The following SPATA13 variants were observed in gnomAD, a reference collection of about 807,000 sequenced individuals.
SPATA13 encodes the protein spermatogenesis-associated protein 13.
SPATA13 carries 50 observed loss-of-function variants against 104.0 expected under a neutral mutation model. That is an observed-to-expected ratio of 0.48 (90% confidence interval 0.38 to 0.61). The LOEUF (loss-of-function observed/expected upper bound fraction) is 0.61. Among genes scored for constraint, SPATA13 ranks in the 20% least tolerant of loss-of-function variants. The probability of loss-of-function intolerance (pLI) is 0.00; values close to 1 mark genes in which losing one functional copy is unlikely to be tolerated. For synonymous variants in SPATA13, 606 were observed against 667.5 expected (o/e 0.91, Z 1.42); for missense variants, 1,524 against 1,690.6 (o/e 0.90, Z 1.73).
chr13:24,178,064 T>C (rs1485170710), intron 1 of SPATA13, among the ~76,000 whole-genome samples: 1 of 151,280 alleles, frequency 6.6e-6, no homozygotes, highest in Non-Finnish European at 1.5e-5. Flanking sequence ...ATCTTGCCCA[T>C]GCTGGTCTTG....
chr13:24,281,748 A>C (rs2138722804), intron 4 of SPATA13, among the ~76,000 whole-genome samples: 1 of 152,314 alleles, frequency 6.6e-6, no homozygotes, highest in East Asian at 1.9e-4. Flanking sequence ...TCCAGAGCTC[A>C]GGCTTACAGG....
chr13:24,008,456 C>T (rs553200696), intron 2 of SPATA13, among the ~76,000 whole-genome samples: 2 of 152,280 alleles, frequency 1.3e-5, no homozygotes, highest in African/African-American at 2.4e-5. Flanking sequence ...TCATGGGCCA[C>T]CATGAAAGAG....
chr13:24,205,188 A>T lies in SPATA13; in HGVS notation c.-111-17631A>T, dbSNP rs1345262306. On this transcript the variant is annotated intron_variant, in intron 1 of 12. Coordinates refer to ENST00000382108, the MANE Select transcript of SPATA13 (RefSeq NM_001166271.3). This position sits in a 1 kb window ranked among gnomAD's most constrained non-coding sequence, Gnocchi z 4.1. ...CAGATGACATGATTCTGTATCCTGA[A>T]AACCCCAAAGTCTCGCCCCCAAAGC... 1.3e-5 allele frequency among the ~76,000 whole-genome samples: 2 copies of T among 152,230 alleles called. No homozygotes were observed. Among genetic ancestry groups the T allele is most frequent in the Non-Finnish European group, 2.9e-5 (2 of 68,040 alleles).
chr13:24,179,643 T>A (rs918228571), intron 1 of SPATA13, among the ~76,000 whole-genome samples: 3 of 152,212 alleles, frequency 2.0e-5, no homozygotes, highest in Non-Finnish European at 4.4e-5. Context: ...ACCTCTATTT[T>A]ACTTTCTGTT....
intron 3 of SPATA13, among the ~76,000 whole-genome samples, chr13:24,135,940 G>T (rs1881551129): frequency 6.6e-6 from 1 of 152,122 alleles, no homozygotes; most frequent in Non-Finnish European, 1.5e-5. Context: ...AAGAAAAGGA[G>T]GGCTGGGATA....
intron 10 of SPATA13, among the ~76,000 whole-genome samples, chr13:24,296,833 C>T (rs568390484): frequency 6.6e-6 from 1 of 152,154 alleles, no homozygotes; most frequent in South Asian, 2.1e-4. Flanking sequence ...GAAGAAATTT[C>T]AGGCACCAGG....
At chr13:24,201,821 G>A (rs1033191931) in intron 1 of SPATA13, among the ~76,000 whole-genome samples, 15 of 152,118 alleles carry the variant, frequency 9.9e-5, no homozygotes, top group African/African-American at 3.6e-4. Flanking sequence ...TGTACAAATA[G>A]TACATATGTT....
chr13:24,218,351 A>C (rs900936605), intron 1 of SPATA13, among the ~76,000 whole-genome samples: 1 of 151,674 alleles, frequency 6.6e-6, no homozygotes, highest in South Asian at 2.1e-4. Flanking sequence ...GTCTAGCATG[A>C]CCCCCAGGTT....
At chr13:24,159,363 T>G (rs564454125), upstream of SPATA13, among the ~76,000 whole-genome samples, 1 of 152,228 alleles carries the variant, frequency 6.6e-6, no homozygotes, top group Non-Finnish European at 1.5e-5. Context: ...AAATAAAATT[T>G]GCCCATATTT....
intron 3 of SPATA13, among the ~76,000 whole-genome samples, chr13:24,142,839 C>T (rs912661760): frequency 6.6e-6 from 1 of 152,176 alleles, no homozygotes; most frequent in Non-Finnish European, 1.5e-5. Flanking sequence ...CCAGGATTCC[C>T]TTGGAAGAGT....
chr13:24,046,578 A>G lies in SPATA13; in HGVS notation c.-112+28877A>G, dbSNP rs545691912. Among the ~76,000 whole-genome samples, 10 of 121,704 alleles carry G rather than the reference A, an allele frequency of 8.2e-5. No homozygotes were observed. The South Asian group carries it at 1.9e-3, about 23-fold the overall frequency. The allele number at this position is 121,704 out of a possible 152,430, so 79.8% of individuals were successfully genotyped here. ...TTTTGTGTCTGGCCTCTTTCACTCA[A>G]TATGTTTGCAAGATTCATCCATGAT... is the stretch of plus-strand genomic sequence containing the variant. On this transcript the variant is annotated intron_variant, in intron 3 of 14. Coordinates refer to the SPATA13 transcript ENST00000424834.
intron 2 of SPATA13, among the ~76,000 whole-genome samples, chr13:24,241,835 T>C (rs1872851731): frequency 6.6e-6 from 1 of 152,150 alleles, no homozygotes; most frequent in South Asian, 2.1e-4. Flanking sequence ...GAGGACTGCC[T>C]GAGCCCAGGA....
chr13:24,270,525 C>T (rs1404851988), intron 4 of SPATA13, among the ~76,000 whole-genome samples: 6 of 152,208 alleles, frequency 3.9e-5, no homozygotes, highest in Admixed American at 2.0e-4. Flanking sequence ...CACCATTTCT[C>T]CTACCTTCAC....
At chr13:24,209,468 A>ACT (rs1482933403) in intron 1 of SPATA13, among the ~76,000 whole-genome samples, 1 of 152,178 alleles carries the variant, frequency 6.6e-6, no homozygotes, top group Non-Finnish European at 1.5e-5. Flanking sequence ...AGAGGACAGC[A>ACT]CTGTTCTGGT....
intron 3 of SPATA13, among the ~76,000 whole-genome samples, chr13:24,026,844 C>A (rs948230586): frequency 1.3e-5 from 2 of 152,148 alleles, no homozygotes; most frequent in Admixed American, 6.5e-5. Flanking sequence ...GACCTTGTGA[C>A]CTTTGCCTCC....
In SPATA13 at chr13:24,217,193, G is replaced by A. The variant is rs192541621; in HGVS notation, c.-111-5626G>A. Among the ~76,000 whole-genome samples, 4 of 152,322 alleles carry A rather than the reference G, an allele frequency of 2.6e-5. No homozygotes were observed. In the East Asian group the frequency reaches 7.7e-4, roughly 29 times the overall value. Reference sequence around the variant, plus strand: ...GGATCACTTGAGTCTAAGAATTTGAGGCCACCCCGGGCAACATAGCAAGAT... The same window carrying A: ...GGATCACTTGAGTCTAAGAATTTGAAGCCACCCCGGGCAACATAGCAAGAT... On this transcript the variant is annotated intron_variant, in intron 1 of 12. Coordinates refer to ENST00000382108, the MANE Select transcript of SPATA13 (RefSeq NM_001166271.3).
intron 3 of SPATA13, among the ~76,000 whole-genome samples, chr13:24,087,664 G>A (rs1879777150): frequency 6.6e-6 from 1 of 152,134 alleles, no homozygotes; most frequent in African/African-American, 2.4e-5. Flanking sequence ...CCCTGCCATG[G>A]CATCTTTCAT....
At chr13:24,135,355 T>C (rs1881526078) in intron 3 of SPATA13, among the ~76,000 whole-genome samples, 1 of 152,166 alleles carries the variant, frequency 6.6e-6, no homozygotes, top group South Asian at 2.1e-4. Context: ...TCATATTTGT[T>C]CACAGCAAGA....
At chr13:24,262,618 A>G (rs574156195) in intron 4 of SPATA13, among the ~76,000 whole-genome samples, 2 of 152,348 alleles carry the variant, frequency 1.3e-5, no homozygotes, top group African/African-American at 4.8e-5. Context: ...ACTTAATCTC[A>G]AAGTCTTCAT....
Sources: gnomAD v4.1 joint callset for allele counts (sites outside exome capture counted in the v4.1 genomes callset) on GRCh38, gnomAD v4.1.1 for gene constraint, Gnocchi (gnomAD v3.1) non-coding constraint, MANE v1.5 for transcripts, NCBI Gene and HGNC (gene_info 2026-07-23, HGNC 2026-07-21) for gene names.